NUBPL: variants seen among roughly 807,000 people sequenced by gnomAD.
NUBPL encodes the protein iron-sulfur cluster transfer protein NUBPL.
NUBPL carries 31 observed loss-of-function variants against 45.7 expected under a neutral mutation model. The observed-to-expected ratio is 0.68, with a 90% CI of 0.51 to 0.92. The LOEUF (loss-of-function observed/expected upper bound fraction) is 0.92, where lower values mean the gene tolerates loss of function less well. Ranked by LOEUF, NUBPL falls within the 40% of genes least tolerant of loss-of-function variation. The pLI is 0.00. For synonymous variants in NUBPL, 144 were observed against 140.9 expected, an observed-to-expected ratio of 1.02 and a Z score of -0.15; for missense variants, 401 against 398.7, an observed-to-expected ratio of 1.01 and a Z score of -0.05.
intron 4 of NUBPL, among the ~76,000 whole-genome samples, chr14:31,659,005 G>A (rs1031189419): frequency 6.6e-6 from 1 of 152,192 alleles, no homozygotes; most frequent in African/African-American, 2.4e-5. Flanking sequence ...AAGGAGATTA[G>A]AAGAGGGAAT....
intron 4 of NUBPL, among the ~76,000 whole-genome samples, chr14:31,652,974 G>A (rs1415351405): frequency 1.3e-5 from 2 of 152,152 alleles, no homozygotes; most frequent in African/African-American, 4.8e-5. Context: ...CGTATCAGTA[G>A]GACTGTGATG....
intron 7 of NUBPL, among the ~76,000 whole-genome samples, chr14:31,802,177 G>C (rs2039603270): frequency 6.6e-6 from 1 of 152,186 alleles, no homozygotes; most frequent in African/African-American, 2.4e-5. Flanking sequence ...TCTTACAGGA[G>C]GGAGGGAGTT....
chr14:31,620,701 G>A (rs181849557), intron 4 of NUBPL, among the ~76,000 whole-genome samples: 211 of 152,298 alleles, frequency 1.4e-3, no homozygotes, highest in Non-Finnish European at 2.4e-3. Flanking sequence ...GAGCTGTCCT[G>A]TATGAGGTGT....
intron 4 of NUBPL, among the ~76,000 whole-genome samples, chr14:31,640,163 C>G (rs1048452060): frequency 6.6e-6 from 1 of 152,192 alleles, no homozygotes; most frequent in African/African-American, 2.4e-5. Context: ...GCAGAAATCA[C>G]CTGTCTTCTG....
At chr14:31,713,409 TG>T (rs755986153) in intron 6 of NUBPL, among the ~76,000 whole-genome samples, 9 of 152,254 alleles carry the variant, frequency 5.9e-5, no homozygotes, top group Non-Finnish European at 1.3e-4. Context: ...TGTTTATATA[TG>T]GCACATTATG....
At chr14:31,601,185 C>T (rs4981861) in intron 4 of NUBPL, among the ~76,000 whole-genome samples, 78,793 of 151,696 alleles carry the variant, frequency 0.52, 22,303 homozygotes, top group Non-Finnish European at 0.63. Flanking sequence ...AGTCAGGTAG[C>T]GTGATGCCTC....
intron 4 of NUBPL, among the ~76,000 whole-genome samples, chr14:31,627,951 A>T (rs1268537719): frequency 1.3e-5 from 2 of 152,148 alleles, no homozygotes; most frequent in Non-Finnish European, 2.9e-5. Context: ...TTCTGAAAAA[A>T]CAGTTGAGAA....
chr14:31,813,713 G>T (rs184962858), intron 7 of NUBPL, among the ~76,000 whole-genome samples: 1 of 152,208 alleles, frequency 6.6e-6, no homozygotes, highest in African/African-American at 2.4e-5. Context: ...AGACCCTGGT[G>T]TGTGATATTC....
intron 7 of NUBPL, among the ~76,000 whole-genome samples, chr14:31,811,797 G>C (rs1381630416): frequency 6.6e-6 from 1 of 151,990 alleles, no homozygotes; most frequent in Non-Finnish European, 1.5e-5. Flanking sequence ...CTACAGATGG[G>C]GTTTTTTTGT....
At chr14:31,840,690 C>T (rs1368941588) in intron 8 of NUBPL, among the ~76,000 whole-genome samples, 1 of 151,916 alleles carries the variant, frequency 6.6e-6, no homozygotes, top group African/African-American at 2.4e-5. Flanking sequence ...CATAATCTCA[C>T]TTATATGTGG....
chr14:31,689,499 C>T (rs2037043787), intron 6 of NUBPL, among the ~76,000 whole-genome samples: 1 of 152,098 alleles, frequency 6.6e-6, no homozygotes, highest in African/African-American at 2.4e-5. Flanking sequence ...CCTTTGCCCA[C>T]TTTTTAATGG....
At chr14:31,852,082 T>C (rs1245211688) in intron 10 of NUBPL, among the ~76,000 whole-genome samples, 1 of 152,210 alleles carries the variant, frequency 6.6e-6, no homozygotes, top group Admixed American at 6.5e-5. Context: ...CATCATGGGG[T>C]ACCAAGTTTG....
At chr14:31,621,692 G>A (rs890564986) in intron 4 of NUBPL, among the ~76,000 whole-genome samples, 5 of 152,206 alleles carry the variant, frequency 3.3e-5, no homozygotes, top group Admixed American at 2.0e-4. Flanking sequence ...CGCCTTCTGC[G>A]TCGATCTCGC....
chr14:31,786,610 C>T (rs1034682936), intron 6 of NUBPL, among the ~76,000 whole-genome samples: 1 of 152,200 alleles, frequency 6.6e-6, no homozygotes, highest in South Asian at 2.1e-4. Flanking sequence ...ATTTAATCGT[C>T]AATACCTAGC....
At chr14:31,627,500 C>T (rs538519343) in intron 4 of NUBPL, among the ~76,000 whole-genome samples, 24 of 151,962 alleles carry the variant, frequency 1.6e-4, no homozygotes, top group Non-Finnish European at 2.5e-4. Flanking sequence ...AATTATTGGC[C>T]GGGCACGGTG....
intron 4 of NUBPL, among the ~76,000 whole-genome samples, chr14:31,653,514 G>A (rs2036063747): frequency 6.6e-6 from 1 of 152,200 alleles, no homozygotes; most frequent in South Asian, 2.1e-4. Context: ...TCTGCAAGAA[G>A]AAAAATATGG....
intron 4 of NUBPL, among the ~76,000 whole-genome samples, chr14:31,671,141 T>C (rs983742022): frequency 6.6e-6 from 1 of 152,160 alleles, no homozygotes; most frequent in Non-Finnish European, 1.5e-5. Context: ...CTCATCTCTG[T>C]GTTCTTTGAG....
intron 6 of NUBPL, among the ~76,000 whole-genome samples, chr14:31,758,266 A>T (rs1309023112): frequency 6.6e-6 from 1 of 152,210 alleles, no homozygotes; most frequent in East Asian, 1.9e-4. Context: ...AATCAATTAA[A>T]AGTTCATAAA....
chr14:31,734,787 A>G (rs1336134240), intron 6 of NUBPL, among the ~76,000 whole-genome samples: 1 of 152,228 alleles, frequency 6.6e-6, no homozygotes, highest in Non-Finnish European at 1.5e-5. Context: ...CCTCAGTCAC[A>G]GATAAGGTTC....
Sources: allele counts gnomAD v4.1 joint callset (sites outside exome capture counted in the v4.1 genomes callset), GRCh38; gene constraint gnomAD v4.1.1; transcripts MANE v1.5; gene names NCBI Gene and HGNC (gene_info 2026-07-23, HGNC 2026-07-21).